The following FAM20B variants were observed in gnomAD, a reference collection of about 807,000 sequenced individuals.
The protein encoded by FAM20B is glycosaminoglycan xylosylkinase.
Under a neutral mutation model 43.8 loss-of-function variants are expected in FAM20B, and 23 were observed. The ratio of observed to expected loss-of-function variants is 0.53; its 90% confidence interval spans 0.38 to 0.74. The LOEUF is 0.74. FAM20B is among the 30% of genes least tolerant of loss of function. The pLI is 0.00. For synonymous variants in FAM20B, 178 were observed against 192.4 expected (o/e 0.93, Z 0.62); for missense variants, 440 against 510.5 (o/e 0.86, Z 1.33).
intron 7 of FAM20B, among the ~76,000 whole-genome samples, chr1:179,067,552 C>T (rs371281221): frequency 2.0e-5 from 3 of 151,798 alleles, no homozygotes; most frequent in Non-Finnish European, 4.4e-5. Context: ...TGCAGTGAGC[C>T]GAGATTGTGC....
At chr1:179,032,529 C>G (rs2102483336) in intron 1 of FAM20B, among the ~76,000 whole-genome samples, 1 of 152,040 alleles carries the variant, frequency 6.6e-6, no homozygotes, top group African/African-American at 2.4e-5. Context: ...AAATATCTTT[C>G]CCAAGACCCA....
chr1:179,044,330 A>C (rs1650676970), intron 2 of FAM20B, 106 bp downstream of exon 2: 1 of 1,268,538 alleles, frequency 7.9e-7, no homozygotes, highest in Non-Finnish European at 1.1e-6. Context: ...CTCTTCAGTA[A>C]AATAAGAGGG....
chr1:179,028,498 C>T (rs1649881883), intron 1 of FAM20B, among the ~76,000 whole-genome samples: 2 of 152,310 alleles, frequency 1.3e-5, no homozygotes, highest in South Asian at 4.1e-4. Flanking sequence ...AGGAGAATCG[C>T]TTGAACCCAG....
At chr1:179,022,265 C>T (rs574274923), upstream of FAM20B, among the ~76,000 whole-genome samples, 2 of 152,326 alleles carry the variant, frequency 1.3e-5, no homozygotes, top group Admixed American at 6.5e-5. Context: ...TGGAAGGAAA[C>T]AGAGAGATAT....
intron 2 of FAM20B, 85 bp from the exon 3 acceptor site, chr1:179,050,194 C>T (rs1650945885): frequency 1.1e-6 from 1 of 892,334 alleles, no homozygotes; most frequent in Non-Finnish European, 1.9e-6. Context: ...ATCAGGCTTG[C>T]TAATGGGTGT....
Position 179,072,001 on chromosome 1 carries a change from A to G in FAM20B, c.1087A>G (p.Ile363Val), listed in dbSNP as rs762045477. The change falls in exon 8 of 8, where the codon ATC (isoleucine) becomes GTC (valine). Residue 363 changes from isoleucine (I) to valine (V), a missense_variant. By Grantham distance (29) the Ile-to-Val change is conservative (BLOSUM62 3). Transcript: ENST00000263733. ...ALKSAMAHDP[I>V]SPVLSDPHLD... ...AAAATCTGCCATGGCCCATGACCCC[A>G]TCTCCCCAGTGCTCTCTGATCCTCA... is the stretch of plus-strand genomic sequence containing the variant. 5.0e-6 allele frequency: 8 copies of G among 1,613,956 alleles called. No individual in the cohort carries two copies. The highest frequency in any genetic ancestry group is 6.8e-6 in the Non-Finnish European group (8 of 1,179,964).
upstream of FAM20B, among the ~76,000 whole-genome samples, chr1:179,024,650 G>A (rs1253415125): frequency 1.3e-5 from 2 of 152,150 alleles, no homozygotes; most frequent in African/African-American, 2.4e-5. Flanking sequence ...TTGACTGTAC[G>A]TCTCCTGCAG....
chr1:179,051,881 G>A (rs528334111), intron 3 of FAM20B, among the ~76,000 whole-genome samples: 2 of 151,974 alleles, frequency 1.3e-5, no homozygotes, highest in Admixed American at 6.6e-5. Context: ...CTCCTGACTC[G>A]AGGTGATCCG....
chr1:179,041,714 G>C (rs1321822870), intron 1 of FAM20B, among the ~76,000 whole-genome samples: 4 of 148,930 alleles, frequency 2.7e-5, no homozygotes, highest in Non-Finnish European at 4.4e-5. Flanking sequence ...AGGGAGACAG[G>C]AGACGGGAGA....
At position 179,064,036 on chromosome 1, in the gene FAM20B, G is replaced by C. The variant is rs1341349851; in HGVS notation, c.684G>C (p.Val228=). The C allele has an allele frequency of 6.2e-7, 1 of 1,613,962 alleles. No individual in the cohort carries two copies. The highest frequency in any genetic ancestry group is 8.5e-7 in the Non-Finnish European group (1 of 1,179,968). ...CTGTCACACTTTGGCTTCCAGATGT[G>C]TGGCCTCTGCAGAAGCACCGTCACC... is the stretch of plus-strand genomic sequence containing the variant. ...EGSVTLWLPD[V]WPLQKHRHPW... The change falls in exon 5 of 8, where the codon GTG becomes GTC. Residue 228 remains valine, a synonymous_variant. Transcript: ENST00000263733.
chr1:179,060,728 A>T (rs1651426583), intron 4 of FAM20B, among the ~76,000 whole-genome samples: 1 of 152,190 alleles, frequency 6.6e-6, no homozygotes. Flanking sequence ...ACACATGAGC[A>T]AGTATTTCTA....
In FAM20B at chr1:179,038,965, A is replaced by AT. The variant is rs544040555; in HGVS notation, c.-133-4750_-133-4749insT. Among the ~76,000 whole-genome samples, 832 of 152,352 alleles carry AT rather than the reference A, an allele frequency of 5.5e-3. 11 individuals are homozygous for AT. Among genetic ancestry groups the AT allele is most frequent in the African/African-American group, 0.019 (788 of 41,580 alleles). ...AAACTTCATTCAGCTGGCCCACTGCAAAGTGTTGCCCTCAGAATACATTGC... is the reference window on the plus strand; with the variant it reads ...AAACTTCATTCAGCTGGCCCACTGCATAAGTGTTGCCCTCAGAATACATTGC... On this transcript the variant is annotated intron_variant, in intron 1 of 7. Transcript: ENST00000263733.
At chr1:179,041,541 A>G (rs1043304211) in intron 1 of FAM20B, among the ~76,000 whole-genome samples, 1 of 152,142 alleles carries the variant, frequency 6.6e-6, no homozygotes, top group African/African-American at 2.4e-5. Context: ...CAGGAGAATC[A>G]GGCAGGGAGG....
At chr1:179,057,491 C>T (rs1651275035) in intron 4 of FAM20B, among the ~76,000 whole-genome samples, 1 of 152,196 alleles carries the variant, frequency 6.6e-6, no homozygotes, top group Admixed American at 6.5e-5. Context: ...AGTATGTTCA[C>T]ACTGTTACTT....
chr1:179,034,395 T>C (rs1650133249), intron 1 of FAM20B, among the ~76,000 whole-genome samples: 1 of 151,794 alleles, frequency 6.6e-6, no homozygotes, highest in South Asian at 2.1e-4. Context: ...TCTCTCTCTC[T>C]CTCTCTCTTT....
chr1:179,055,791 G>A (rs2102512272), intron 4 of FAM20B, among the ~76,000 whole-genome samples: 1 of 152,254 alleles, frequency 6.6e-6, no homozygotes, highest in South Asian at 2.1e-4. Flanking sequence ...GAGTATTGAA[G>A]AACCAGTATG....
At chr1:179,028,510 A>T (rs999782975) in intron 1 of FAM20B, among the ~76,000 whole-genome samples, 1 of 152,212 alleles carries the variant, frequency 6.6e-6, no homozygotes, top group African/African-American at 2.4e-5. Context: ...TGAACCCAGG[A>T]GGCAGAGGTT....
intron 1 of FAM20B, among the ~76,000 whole-genome samples, chr1:179,029,924 A>G (rs983167044): frequency 5.9e-5 from 9 of 152,216 alleles, no homozygotes; most frequent in South Asian, 2.1e-4. Context: ...GAGTGAGGCT[A>G]TGAGATGATC....
chr1:179,067,363 G>T (rs541414727), intron 7 of FAM20B, among the ~76,000 whole-genome samples: 2 of 152,308 alleles, frequency 1.3e-5, no homozygotes, highest in Non-Finnish European at 2.9e-5. Flanking sequence ...CCAGCAATTT[G>T]GGAGGCCAAG....
Sources: gnomAD v4.1 joint callset for allele counts (sites outside exome capture counted in the v4.1 genomes callset) on GRCh38, gnomAD v4.1.1 for gene constraint, MANE v1.5 for transcripts, NCBI Gene and HGNC (gene_info 2026-07-23, HGNC 2026-07-21) for gene names.